ARHGEF3: variants seen among roughly 807,000 people sequenced by gnomAD.
The protein encoded by ARHGEF3 is Rho guanine nucleotide exchange factor 3, also known as 59.8 kDA protein.
ARHGEF3 carries 28 observed loss-of-function variants against 63.2 expected under a neutral mutation model. That is an observed-to-expected ratio of 0.44 (90% CI 0.33 to 0.61). The LOEUF is 0.61. Ranked by LOEUF, ARHGEF3 falls within the 20% of genes least tolerant of loss-of-function variation. The pLI is 0.03. For missense variants in ARHGEF3, 533 were observed against 659.3 expected, an observed-to-expected ratio of 0.81 and a Z score of 2.10; for synonymous variants, 266 against 254.2, an observed-to-expected ratio of 1.05 and a Z score of -0.44.
At position 56,886,635 on chromosome 3, in the gene ARHGEF3, A is replaced by C. The variant is rs187761459; in HGVS notation, c.130-4281T>G. ...ACTCACTTTGAACTTCACTGGAGCTACTACTACTAATAATTCACACTGATA... is the reference window on the plus strand; with the variant it reads ...ACTCACTTTGAACTTCACTGGAGCTCCTACTACTAATAATTCACACTGATA... On this transcript the variant is annotated intron_variant, in intron 3 of 12. Coordinates refer to the ARHGEF3 transcript ENST00000338458. Among the ~76,000 whole-genome samples, 19 of 152,324 alleles carry C rather than the reference A, an allele frequency of 1.2e-4. No individual in the cohort carries two copies. The East Asian group carries it at 2.3e-3, about 19-fold the overall frequency.
In ARHGEF3 at chr3:57,033,260, T is replaced by G. The variant is rs550254414; in HGVS notation, c.62+1828A>C. Among the ~76,000 whole-genome samples the G allele has an allele frequency of 3.3e-5, 5 of 152,158 alleles. No homozygotes were observed. The East Asian group carries it at 9.7e-4, about 29-fold the overall frequency. On this transcript the variant is annotated intron_variant, in intron 2 of 12. Coordinates refer to the ARHGEF3 transcript ENST00000338458. ...ATCCGCGGCAACCTCCCTAGAGAATTCTTGCCCATGTGCTCAGGTGGAACA... is the reference window on the plus strand; with the variant it reads ...ATCCGCGGCAACCTCCCTAGAGAATGCTTGCCCATGTGCTCAGGTGGAACA...
intron 3 of ARHGEF3, among the ~76,000 whole-genome samples, chr3:56,946,067 CCTGA>C (rs1471430107): frequency 2.0e-5 from 3 of 152,186 alleles, no homozygotes; most frequent in Non-Finnish European, 4.4e-5. Flanking sequence ...AGCTGAGGGT[CCTGA>C]CTGTTAGAAG....
chr3:57,076,105 AGCTAGGGTT>A (rs1235940372), intron 1 of ARHGEF3, among the ~76,000 whole-genome samples: 1 of 152,238 alleles, frequency 6.6e-6, no homozygotes, highest in East Asian at 1.9e-4. Context: ...TTTTAAATAT[AGCTAGGGTT>A]GCTTTAATAA....
chr3:57,062,717 CACA>C (rs1705297998), intron 1 of ARHGEF3, among the ~76,000 whole-genome samples: 1 of 152,110 alleles, frequency 6.6e-6, no homozygotes, highest in African/African-American at 2.4e-5. Context: ...CACACACACA[CACA>C]ACAAACATGC....
At chr3:56,865,293 C>T (rs950460602) in intron 4 of ARHGEF3, among the ~76,000 whole-genome samples, 4 of 152,166 alleles carry the variant, frequency 2.6e-5, no homozygotes, top group African/African-American at 9.7e-5. Flanking sequence ...GCTACCACAG[C>T]GCACAGATTG....
At chr3:56,905,358 G>A (rs1464837268) in intron 3 of ARHGEF3, among the ~76,000 whole-genome samples, 2 of 151,974 alleles carry the variant, frequency 1.3e-5, no homozygotes, top group South Asian at 4.1e-4. Flanking sequence ...CACACTATAG[G>A]TACTGCTCTA....
chr3:56,951,979 C>T (rs1699833422), intron 3 of ARHGEF3, among the ~76,000 whole-genome samples: 1 of 151,968 alleles, frequency 6.6e-6, no homozygotes, highest in Admixed American at 6.6e-5. Flanking sequence ...AGGCAAAATT[C>T]TAAGATGGTC....
chr3:57,037,166 G>A (rs1428197651), intron 1 of ARHGEF3, among the ~76,000 whole-genome samples: 1 of 152,186 alleles, frequency 6.6e-6, no homozygotes, highest in Non-Finnish European at 1.5e-5. Context: ...GCCCAGGCTA[G>A]GGCGAGAGTG....
intron 3 of ARHGEF3, among the ~76,000 whole-genome samples, chr3:56,929,466 T>C (rs2042355821): frequency 6.6e-6 from 1 of 152,198 alleles, no homozygotes; most frequent in African/African-American, 2.4e-5. Context: ...CAAACTTTAA[T>C]GTGCCCACAC....
At chr3:56,734,946 A>G (rs2107693560) in intron 8 of ARHGEF3, among the ~76,000 whole-genome samples, 1 of 152,222 alleles carries the variant, frequency 6.6e-6, no homozygotes, top group East Asian at 1.9e-4. Flanking sequence ...ACTTCAATCA[A>G]TCTTCTAGCC....
chr3:56,975,667 T>C, intron 2 of ARHGEF3: 1 of 274,230 alleles, frequency 3.6e-6, no homozygotes, highest in East Asian at 1.2e-4. Flanking sequence ...ACCCAGGCAA[T>C]CTGGCTCTAG....
At chr3:57,055,333 C>T (rs1182724245) in intron 1 of ARHGEF3, among the ~76,000 whole-genome samples, 8 of 151,676 alleles carry the variant, frequency 5.3e-5, no homozygotes, top group Non-Finnish European at 1.0e-4. Flanking sequence ...GGCTAATTTT[C>T]GTATTTTTAG....
At chr3:57,018,698 A>G (rs1472152374) in intron 2 of ARHGEF3, among the ~76,000 whole-genome samples, 1 of 152,220 alleles carries the variant, frequency 6.6e-6, no homozygotes. Flanking sequence ...CACCTTCCCC[A>G]CACCAAAAAA....
rs571169770 is a variant in ARHGEF3 at position 56,828,678 on chromosome 3, A to G, written c.192+53614T>C. 3.3e-5 allele frequency among the ~76,000 whole-genome samples: 5 copies of G among 152,310 alleles called. 1 individual carries two copies. In the South Asian group the frequency reaches 1.0e-3, roughly 32 times the overall value. On this transcript the variant is annotated intron_variant, in intron 4 of 12. Coordinates refer to the ARHGEF3 transcript ENST00000338458. ...AGATACCCAGAGTTGCCATAGTTCT[A>G]AAAGTCCCAGCCCTCAGGCGTAAGA...
intron 1 of ARHGEF3, among the ~76,000 whole-genome samples, chr3:56,786,916 A>AG (rs1195962983): frequency 2.0e-5 from 3 of 152,036 alleles, no homozygotes; most frequent in Non-Finnish European, 2.9e-5. Flanking sequence ...AAAAAAAAAA[A>AG]AAGTTGGCTA....
rs151114322 is a variant in ARHGEF3, at chr3:57,048,444, C to T, written c.-27-13268G>A. Among the ~76,000 whole-genome samples the T allele has an allele frequency of 4.9e-4, 75 of 152,314 alleles. 1 individual carries two copies. The highest frequency in any genetic ancestry group is 1.6e-3 in the African/African-American group (68 of 41,566). ...TTGCACATCAAGAGCAAGACTACAACTTCTACAAAAGCCATCTGGAAATGT... is the reference window on the plus strand; with the variant it reads ...TTGCACATCAAGAGCAAGACTACAATTTCTACAAAAGCCATCTGGAAATGT... On this transcript the variant is annotated intron_variant, in intron 1 of 12. Transcript: ENST00000338458.
chr3:56,729,339 G>C lies in ARHGEF3; in HGVS notation c.1512C>G (p.Leu504=). ...CTGTCTGTTCCATGCGCTCACAGTC[G>C]AGGCTGACCTCACTCGTGTCCATAC... ...DCSMDTSEVS[L]DCERMEQTDS... is the part of the protein sequence containing the mutation. The change falls in exon 10 of 10, where the codon CTC becomes CTG. Residue 504 remains leucine (L), a synonymous_variant. Coordinates refer to ENST00000296315, the MANE Select transcript of ARHGEF3 (RefSeq NM_019555.3). The C allele has an allele frequency of 6.2e-7, 1 of 1,614,010 alleles. No individual in the cohort carries two copies. Among genetic ancestry groups the C allele is most frequent in the Non-Finnish European group, 8.5e-7 (1 of 1,180,014 alleles).
upstream of ARHGEF3, among the ~76,000 whole-genome samples, chr3:56,805,951 T>C (rs2037848323): frequency 6.6e-6 from 1 of 152,152 alleles, no homozygotes; most frequent in African/African-American, 2.4e-5. Context: ...ATATTTTTGG[T>C]ACAACAAAGC....
At chr3:56,791,572 T>C (rs2037078171) in intron 1 of ARHGEF3, among the ~76,000 whole-genome samples, 1 of 152,218 alleles carries the variant, frequency 6.6e-6, no homozygotes, top group African/African-American at 2.4e-5. Flanking sequence ...AGTTGGAGAT[T>C]ACTCTGCACA....
Sources: gnomAD v4.1 joint callset for allele counts (sites outside exome capture counted in the v4.1 genomes callset) on GRCh38, gnomAD v4.1.1 for gene constraint, MANE v1.5 for transcripts, NCBI Gene and HGNC (gene_info 2026-07-23, HGNC 2026-07-21) for gene names.